Variants in RNF220 observed in about 807,000 individuals in gnomAD.
The protein encoded by RNF220 is ring finger protein 220, also known as E3 ubiquitin-protein ligase RNF220.
Under a neutral mutation model 67.1 loss-of-function variants are expected in RNF220, and 7 were observed. The ratio of observed to expected loss-of-function variants is 0.10; its 90% CI spans 0.06 to 0.20. The LOEUF (loss-of-function observed/expected upper bound fraction) is 0.20. Among genes scored for constraint, RNF220 ranks in the 10% least tolerant of loss-of-function variants. The pLI, the probability that RNF220 is intolerant of heterozygous loss-of-function variation, is 1.00. For missense variants in RNF220, 565 were observed against 740.3 expected, an observed-to-expected ratio of 0.76 and a Z score of 2.75; for synonymous variants, 270 against 283.2, an observed-to-expected ratio of 0.95 and a Z score of 0.47.
chr1:44,559,841 T>A (rs1285105563), intron 2 of RNF220, among the ~76,000 whole-genome samples: 1 of 152,262 alleles, frequency 6.6e-6, no homozygotes, highest in East Asian at 1.9e-4. Flanking sequence ...CCCAGGAACA[T>A]AATTTCTGAA....
intron 2 of RNF220, among the ~76,000 whole-genome samples, chr1:44,470,751 T>G (rs1654732836): frequency 1.3e-5 from 2 of 152,218 alleles, no homozygotes; most frequent in African/African-American, 4.8e-5. Context: ...AGCTGGACCC[T>G]TCTGTCCTTT....
chr1:44,546,426 C>A (rs892669945), intron 2 of RNF220, among the ~76,000 whole-genome samples: 1 of 152,200 alleles, frequency 6.6e-6, no homozygotes, highest in African/African-American at 2.4e-5. Context: ...CTTCCCCCAG[C>A]CCCCTGCTAC....
intron 2 of RNF220, among the ~76,000 whole-genome samples, chr1:44,557,552 T>A (rs1017493962): frequency 1.4e-5 from 2 of 144,444 alleles, no homozygotes; most frequent in Admixed American, 6.9e-5. Flanking sequence ...ACTAGGATCA[T>A]CCATATTCAC....
At chr1:44,419,143 G>C (rs1648934422) in intron 2 of RNF220, among the ~76,000 whole-genome samples, 1 of 152,046 alleles carries the variant, frequency 6.6e-6, no homozygotes, top group Non-Finnish European at 1.5e-5. Flanking sequence ...GCAGACTTAA[G>C]GATAATTTAT....
intron 2 of RNF220, among the ~76,000 whole-genome samples, chr1:44,577,053 G>C (rs61787553): frequency 6.6e-6 from 1 of 152,212 alleles, no homozygotes; most frequent in Non-Finnish European, 1.5e-5. Flanking sequence ...AGAACACAGA[G>C]CAGAGGCTGA....
At chr1:44,587,963 T>C (rs1182420278) in intron 2 of RNF220, among the ~76,000 whole-genome samples, 5 of 152,152 alleles carry the variant, frequency 3.3e-5, no homozygotes, top group Non-Finnish European at 5.9e-5. Flanking sequence ...ATGTGTGGGC[T>C]GGGGATGGGG....
At chr1:44,626,114 G>A (rs1046526865) in intron 4 of RNF220, among the ~76,000 whole-genome samples, 183 bp from the exon 5 acceptor site, 4 of 152,096 alleles carry the variant, frequency 2.6e-5, no homozygotes, top group African/African-American at 9.7e-5. Context: ...ACCAAGCCAT[G>A]CTCTCCCACA....
intron 3 of RNF220, among the ~76,000 whole-genome samples, chr1:44,618,607 A>T (rs1241260816): frequency 6.6e-6 from 1 of 152,178 alleles, no homozygotes; most frequent in Non-Finnish European, 1.5e-5. Flanking sequence ...CAGATTGTGG[A>T]GGGCCTTCAA....
chr1:44,473,020 A>C (rs1654955719), intron 2 of RNF220, among the ~76,000 whole-genome samples: 2 of 151,946 alleles, frequency 1.3e-5, no homozygotes, highest in South Asian at 4.1e-4. Context: ...TCTGGCTTTG[A>C]GGTTTTCCTG....
intron 8 of RNF220, among the ~76,000 whole-genome samples, chr1:44,642,416 TGGGCACTGTGA>T (rs1644513755): frequency 6.6e-6 from 1 of 152,136 alleles, no homozygotes; most frequent in South Asian, 2.1e-4. Context: ...CTGCTCTGTG[TGGGCACTGTGA>T]GTTAATGGTA....
In RNF220 at chr1:44,649,910, A is replaced by G. The variant is rs1225171133; in HGVS notation, c.1582A>G (p.Ile528Val). ...CTCGTACTCGATGCCCCTAACGTCC[A>G]TCCAGTGTTGGCACGTGCACTGCGA... ...MDSYSMPLTS[I>V]QCWHVHCEEC... Residue 528 changes from isoleucine (I) to valine (V), a missense_variant, in exon 14 of 15, where the codon ATC becomes GTC. Coordinates refer to ENST00000361799, the MANE Select transcript of RNF220 (RefSeq NM_018150.4). This position sits in a 1 kb window ranked among gnomAD's most constrained non-coding sequence, Gnocchi z 5.9. The G allele has an allele frequency of 1.2e-6, 2 of 1,614,022 alleles. No individual in the cohort carries two copies. Among genetic ancestry groups the G allele is most frequent in the Non-Finnish European group, 8.5e-7 (1 of 1,179,964 alleles).
At chr1:44,438,977 G>A (rs1003957919) in intron 2 of RNF220, among the ~76,000 whole-genome samples, 2 of 152,038 alleles carry the variant, frequency 1.3e-5, no homozygotes, top group African/African-American at 4.8e-5. Context: ...TCCATTGCAG[G>A]GATGCATTAC....
In RNF220 at chr1:44,650,119, C is replaced by T. The variant is rs548619373; in HGVS notation, c.1629+162C>T. 7.0e-6 allele frequency: 5 copies of T among 711,298 alleles called. No homozygotes were observed. The highest frequency in any genetic ancestry group is 2.9e-5 in the Admixed American group (1 of 35,066). The allele number at this position is 711,298 out of a possible 1,614,324, so 44.1% of individuals were successfully genotyped here. A position where few individuals can be genotyped will look rare whatever the true frequency, so the allele number is the denominator to read the frequency against. On this transcript the variant is annotated intron_variant, in intron 14 of 14. Transcript: ENST00000361799. This position sits in a 1 kb window ranked among gnomAD's most constrained non-coding sequence, Gnocchi z 4.3. ...CCCGCAGGATATTTACCCCCAGGCT[C>T]GCTGCCTCTCCTCCCCAACTGCAGG... is the stretch of plus-strand genomic sequence containing the variant.
rs181919768 is a variant in RNF220 at position 44,485,004 on chromosome 1, A to G, written c.625+72282A>G. 8.9e-4 allele frequency among the ~76,000 whole-genome samples: 136 copies of G among 152,294 alleles called. 2 individuals are homozygous for G. In the South Asian group the frequency reaches 0.013, roughly 14 times the overall value. On this transcript the variant is annotated intron_variant, in intron 2 of 14. Coordinates refer to ENST00000361799, the MANE Select transcript of RNF220 (RefSeq NM_018150.4). ...TAAAAATACAAAAAATTAGCTGGGC[A>G]TGGTGGCACGTGCCTGTAGTCCCAG...
chr1:44,537,455 T>C (rs1661320993), intron 2 of RNF220, among the ~76,000 whole-genome samples: 1 of 152,140 alleles, frequency 6.6e-6, no homozygotes, highest in African/African-American at 2.4e-5. Context: ...AAATGTATAT[T>C]AACGTTTACA....
At chr1:44,620,802 A>G (rs1305061927) in intron 3 of RNF220, among the ~76,000 whole-genome samples, 1 of 151,894 alleles carries the variant, frequency 6.6e-6, no homozygotes, top group African/African-American at 2.4e-5. Flanking sequence ...TTGTGGGTAC[A>G]TGTGCATCTG....
intron 3 of RNF220, among the ~76,000 whole-genome samples, chr1:44,614,678 T>C (rs2992506): frequency 5.8e-4 from 88 of 152,216 alleles, no homozygotes; most frequent in African/African-American, 2.1e-3. Context: ...CTTCCTCCAG[T>C]GGGGTGGACA....
intron 2 of RNF220, among the ~76,000 whole-genome samples, chr1:44,584,174 C>A (rs1321015574): frequency 1.3e-5 from 2 of 152,220 alleles, no homozygotes; most frequent in African/African-American, 2.4e-5. Flanking sequence ...CCTGACCTAG[C>A]CAGAGGGTTA....
intron 2 of RNF220, chr1:44,424,009 T>C (rs1239978932): frequency 4.1e-5 from 40 of 985,326 alleles, no homozygotes; most frequent in Non-Finnish European, 4.8e-5. Context: ...GCCTCTTATC[T>C]TCATCATCGC....
Sources: gnomAD v4.1 joint callset for allele counts (sites outside exome capture counted in the v4.1 genomes callset) on GRCh38, gnomAD v4.1.1 for gene constraint, Gnocchi (gnomAD v3.1) non-coding constraint, MANE v1.5 for transcripts, NCBI Gene and HGNC (gene_info 2026-07-23, HGNC 2026-07-21) for gene names.